The following MOB1B variants were observed in gnomAD, a reference collection of about 807,000 sequenced individuals.
MOB1B encodes the protein MOB1 Mps One Binder homolog B.
A neutral mutation model predicts 24.4 loss-of-function variants in MOB1B; 19 were observed. The observed-to-expected ratio is 0.78, with a 90% confidence interval of 0.54 to 1.14. The LOEUF is 1.14. Ranked by LOEUF, MOB1B falls within the 50% of genes most tolerant of loss-of-function variation. MOB1B has a pLI of 0.00. For missense variants in MOB1B, 243 were observed against 259.6 expected (o/e 0.94, Z 0.44); for synonymous variants, 76 against 82.1 (o/e 0.93, Z 0.40).
chr4:70,926,142 T>A (rs1736644168), intron 1 of MOB1B, among the ~76,000 whole-genome samples: 1 of 152,106 alleles, frequency 6.6e-6, no homozygotes, highest in African/African-American at 2.4e-5. Flanking sequence ...TGTGCCACCA[T>A]GCCTGGATAA....
At chr4:70,958,592 G>T in intron 1 of MOB1B, 1 of 463,894 alleles carries the variant, frequency 2.2e-6, no homozygotes, top group Non-Finnish European at 4.2e-6. Flanking sequence ...GAATAGGAGT[G>T]AAAGGAATAC....
At chr4:70,904,176 G>T (rs1189166005) in intron 1 of MOB1B, among the ~76,000 whole-genome samples, 1 of 150,946 alleles carries the variant, frequency 6.6e-6, no homozygotes, top group Non-Finnish European at 1.5e-5. Context: ...AGAGATGGGG[G>T]TTTCACCATG....
At chr4:70,931,982 G>A (rs936797215) in intron 1 of MOB1B, among the ~76,000 whole-genome samples, 1 of 152,004 alleles carries the variant, frequency 6.6e-6, no homozygotes, top group Non-Finnish European at 1.5e-5. Flanking sequence ...CTCCCACTTC[G>A]GCCTTCCAAA....
intron 1 of MOB1B, among the ~76,000 whole-genome samples, chr4:70,912,690 T>G (rs971244287): frequency 3.3e-5 from 5 of 152,244 alleles, no homozygotes; most frequent in Non-Finnish European, 5.9e-5. Flanking sequence ...TCTGTTGCTT[T>G]AACAATGTAA....
At chr4:70,925,454 A>G (rs1268201350) in intron 1 of MOB1B, among the ~76,000 whole-genome samples, 1 of 152,226 alleles carries the variant, frequency 6.6e-6, no homozygotes, top group African/African-American at 2.4e-5. Flanking sequence ...ACATTAAGGA[A>G]GAAAAATACC....
chr4:70,975,204 C>A lies in MOB1B; in HGVS notation c.327C>A (p.Cys109Ter). 1 of 1,613,012 alleles carries A rather than the reference C, an allele frequency of 6.2e-7. No individual in the cohort carries two copies. The highest frequency in any genetic ancestry group is 8.5e-7 in the Non-Finnish European group (1 of 1,179,408). ...DGTNIKKPIK[C>*]SAPKYIDYLM... ...CGAACATAAAGAAACCTATTAAGTG[C>A]TCTGCACCAAAGTATATTGATTACT... Residue 109 changes from cysteine to a stop codon, truncating the protein, a stop_gained, in exon 4 of 6, where the codon TGC becomes TGA. Transcript: ENST00000309395. LOFTEE classifies it high-confidence loss of function.
intron 1 of MOB1B, among the ~76,000 whole-genome samples, chr4:70,904,128 C>T (rs1735640947): frequency 1.3e-5 from 2 of 150,912 alleles, no homozygotes; most frequent in Non-Finnish European, 3.0e-5. Flanking sequence ...GACTACAGGC[C>T]CGCGCCACCA....
intron 1 of MOB1B, among the ~76,000 whole-genome samples, chr4:70,915,424 T>C (rs1022868533): frequency 6.6e-6 from 1 of 152,178 alleles, no homozygotes; most frequent in African/African-American, 2.4e-5. Context: ...CGTTACAGAA[T>C]TTTGAGGAGT....
In MOB1B at chr4:70,982,550, T is replaced by C. The variant is rs1276103797; in HGVS notation, c.*493T>C. On this transcript the variant is annotated 3_prime_UTR_variant, in exon 6 of 6. Coordinates refer to ENST00000309395, the MANE Select transcript of MOB1B (RefSeq NM_173468.4). The stretch of plus-strand genomic sequence containing the variant: ...ACTTACTGGTGCATGTTGTAACATA[T>C]CTATGATAAAAGCCATAGTTTACCT... The C allele has an allele frequency of 6.5e-6, 1 of 152,748 alleles. No individual in the cohort carries two copies. The highest frequency in any genetic ancestry group is 6.5e-5 in the Admixed American group (1 of 15,284). The allele number at this position is 152,748 out of a possible 1,614,324, so 9.5% of individuals were successfully genotyped here.
chr4:70,917,558 G>C (rs112743034), intron 1 of MOB1B, among the ~76,000 whole-genome samples: 28 of 152,252 alleles, frequency 1.8e-4, no homozygotes, highest in African/African-American at 6.5e-4. Flanking sequence ...AAAGTTCAAG[G>C]TCCCGAAGTT....
chr4:70,930,287 A>G (rs1002735959), intron 1 of MOB1B, among the ~76,000 whole-genome samples: 3 of 152,158 alleles, frequency 2.0e-5, no homozygotes, highest in African/African-American at 7.2e-5. Flanking sequence ...GGCAGATGGC[A>G]TATGTGGAGC....
At chr4:70,915,411 C>T (rs1334299314) in intron 1 of MOB1B, among the ~76,000 whole-genome samples, 1 of 152,174 alleles carries the variant, frequency 6.6e-6, no homozygotes, top group African/African-American at 2.4e-5. Flanking sequence ...GGCTCAAGAG[C>T]CCCGTTACAG....
intron 2 of MOB1B, among the ~76,000 whole-genome samples, chr4:70,966,755 T>G (rs912231470): frequency 4.0e-5 from 6 of 151,830 alleles, no homozygotes; most frequent in African/African-American, 1.2e-4. Flanking sequence ...TCAAGGAGAT[T>G]GAGGTGGGAG....
intron 1 of MOB1B, among the ~76,000 whole-genome samples, chr4:70,955,808 G>A (rs1560653999): frequency 6.6e-6 from 1 of 151,864 alleles, no homozygotes; most frequent in African/African-American, 2.4e-5. Flanking sequence ...TAAAGGGTTA[G>A]AAAGAGGAAA....
At position 70,986,403 on chromosome 4, in the gene MOB1B, T is replaced by C. The variant is rs1739384139; in HGVS notation, c.*4346T>C. On this transcript the variant is annotated 3_prime_UTR_variant, in exon 6 of 6. Transcript: ENST00000309395. ...TTAAGCCTACATATCACAAAATATTTAGAATTGTATAACCTTTTCATATAT... is the reference window on the plus strand; with the variant it reads ...TTAAGCCTACATATCACAAAATATTCAGAATTGTATAACCTTTTCATATAT... 2 of 152,146 alleles carry C rather than the reference T, an allele frequency of 1.3e-5. No homozygotes were observed. The highest frequency in any genetic ancestry group is 4.1e-4 in the South Asian group (2 of 4,828). The allele number at this position is 152,146 out of a possible 1,614,324, so 9.4% of individuals were successfully genotyped here. A position where few individuals can be genotyped will look rare whatever the true frequency, so the allele number is the denominator to read the frequency against.
intron 1 of MOB1B, among the ~76,000 whole-genome samples, chr4:70,943,396 ACC>A (rs372955143): frequency 3.9e-5 from 6 of 152,292 alleles, no homozygotes; most frequent in African/African-American, 1.4e-4. Flanking sequence ...GTATCTCAAC[ACC>A]TGGATCTTTA....
At chr4:70,965,166 A>G (rs1738461931) in intron 2 of MOB1B, among the ~76,000 whole-genome samples, 1 of 151,536 alleles carries the variant, frequency 6.6e-6, no homozygotes, top group African/African-American at 2.4e-5. Flanking sequence ...GTGTGGTGGC[A>G]GGTGCTTGTA....
At chr4:70,948,878 C>G (rs2148888839) in intron 1 of MOB1B, among the ~76,000 whole-genome samples, 1 of 152,192 alleles carries the variant, frequency 6.6e-6, no homozygotes, top group Non-Finnish European at 1.5e-5. Flanking sequence ...TGGTTAAAAT[C>G]CCTCCCTCCA....
chr4:70,913,485 C>T (rs528487815), intron 1 of MOB1B, among the ~76,000 whole-genome samples: 5 of 152,022 alleles, frequency 3.3e-5, no homozygotes, highest in African/African-American at 7.2e-5. Flanking sequence ...TTTGTAGAGA[C>T]AGCCCACATT....
Sources: allele counts gnomAD v4.1 joint callset (sites outside exome capture counted in the v4.1 genomes callset), GRCh38; gene constraint gnomAD v4.1.1; transcripts MANE v1.5; gene names NCBI Gene and HGNC (gene_info 2026-07-23, HGNC 2026-07-21).